The following TICAM2 variants were observed in gnomAD, a reference collection of about 807,000 sequenced individuals.
The protein encoded by TICAM2 is TIR domain-containing adapter molecule 2.
TICAM2 carries 8 observed loss-of-function variants against 7.3 expected under a neutral mutation model. The ratio of observed to expected loss-of-function variants is 1.10; its 90% CI spans 0.65 to 1.99. The LOEUF (loss-of-function observed/expected upper bound fraction) is 1.99, where lower values mean the gene tolerates loss of function less well. Among genes scored for constraint, TICAM2 ranks in the 30% most tolerant of loss-of-function variants. The pLI is 0.00. For synonymous variants in TICAM2, 113 were observed against 99.6 expected, an observed-to-expected ratio of 1.13 and a Z score of -0.80; for missense variants, 304 against 278.8, an observed-to-expected ratio of 1.09 and a Z score of -0.65.
At chr5:115,583,448 C>T (rs969786447) in intron 1 of TICAM2, among the ~76,000 whole-genome samples, 1 of 151,980 alleles carries the variant, frequency 6.6e-6, no homozygotes, top group Non-Finnish European at 1.5e-5. Context: ...TCTTAAATAC[C>T]AGTTAGCAAA....
At chr5:115,588,741 G>A (rs778049847) in intron 1 of TICAM2, among the ~76,000 whole-genome samples, 8 of 152,232 alleles carry the variant, frequency 5.3e-5, no homozygotes, top group Non-Finnish European at 8.8e-5. Flanking sequence ...GTACTTACAC[G>A]TCTGAGTTAA....
rs754564671 is a variant in TICAM2, at chr5:115,581,090, G to T, written c.167C>A (p.Thr56Lys). Residue 56 changes from threonine to lysine, a missense_variant, in exon 2 of 2, where the codon ACA becomes AAA. Transcript: ENST00000427199. Reference sequence around the variant, plus strand: ...GCTCTGAGCTCCCTCCTGCTTTCCTGTTGGCCCCTCTGTTGTATTGCTGTG... The same window carrying T: ...GCTCTGAGCTCCCTCCTGCTTTCCTTTTGGCCCCTCTGTTGTATTGCTGTG... ...AEHSNTTEGP[T>K]GKQEGAQSVE... The T allele has an allele frequency of 1.9e-6, 3 of 1,614,088 alleles. No individual in the cohort carries two copies. In the South Asian group the frequency reaches 3.3e-5, roughly 18 times the overall value.
intron 1 of TICAM2, among the ~76,000 whole-genome samples, chr5:115,588,015 G>A (rs928876200): frequency 6.6e-5 from 10 of 152,214 alleles, no homozygotes; most frequent in Non-Finnish European, 1.3e-4. Context: ...GGAGGAGAGG[G>A]CTTCAGCAGT....
chr5:115,598,926 T>A (rs1051523256), intron 1 of TICAM2, among the ~76,000 whole-genome samples: 3 of 152,116 alleles, frequency 2.0e-5, no homozygotes, highest in African/African-American at 7.2e-5. Context: ...CATTTCTACA[T>A]AGTCCTCAAA....
rs186382838 is a variant in TICAM2, at chr5:115,597,449, T to C, written c.-60+4648A>G. Among the ~76,000 whole-genome samples, 6 of 152,298 alleles carry C rather than the reference T, an allele frequency of 3.9e-5. No individual in the cohort carries two copies. In the East Asian group the frequency reaches 1.2e-3, roughly 29 times the overall value. ...ATCCAAAAACTGGGGAATGATAATA[T>C]TAACTATGTCACATTATTCATATGA... On this transcript the variant is annotated intron_variant, in intron 1 of 1. Coordinates refer to ENST00000427199, the MANE Select transcript of TICAM2 (RefSeq NM_021649.7).
At chr5:115,597,908 G>A (rs1755573482) in intron 1 of TICAM2, among the ~76,000 whole-genome samples, 1 of 152,084 alleles carries the variant, frequency 6.6e-6, no homozygotes, top group South Asian at 2.1e-4. Context: ...TGTTGTTCAT[G>A]GGCCAAGTGA....
At chr5:115,587,453 G>GTTTC (rs1298112297) in intron 1 of TICAM2, among the ~76,000 whole-genome samples, 1 of 152,180 alleles carries the variant, frequency 6.6e-6, no homozygotes, top group African/African-American at 2.4e-5. Flanking sequence ...GGAAGTTTAG[G>GTTTC]TTTGTAAAGA....
chr5:115,581,224 G>T lies in TICAM2; in HGVS notation c.33C>A (p.Cys11Ter). The T allele has an allele frequency of 6.2e-7, 1 of 1,610,670 alleles. No homozygotes were observed. The highest frequency in any genetic ancestry group is 8.5e-7 in the Non-Finnish European group (1 of 1,179,960). The change falls in exon 2 of 2, where the codon TGC (cysteine) becomes TGA (stop). Residue 11 changes from cysteine to a stop codon, truncating the protein, a stop_gained. Coordinates refer to ENST00000427199, the MANE Select transcript of TICAM2 (RefSeq NM_021649.7). LOFTEE classifies it low-confidence loss of function (END_TRUNC). ...TTTTACCCCAAGAGAGAGAAAGAGGGCAGGAATTTATTTTAGACTTCCCGA... is the reference window on the plus strand; with the variant it reads ...TTTTACCCCAAGAGAGAGAAAGAGGTCAGGAATTTATTTTAGACTTCCCGA... The part of the protein sequence containing the change: MGIGKSKINS[C>*]PLSLSWGKRH...
chr5:115,601,614 G>A (rs1755745501), intron 1 of TICAM2, among the ~76,000 whole-genome samples: 1 of 152,056 alleles, frequency 6.6e-6, no homozygotes, highest in Non-Finnish European at 1.5e-5. Flanking sequence ...TCTTTAAGAA[G>A]TTTACTACCG....
chr5:115,595,217 T>C (rs1412439715), intron 1 of TICAM2, among the ~76,000 whole-genome samples: 3 of 152,174 alleles, frequency 2.0e-5, no homozygotes, highest in Non-Finnish European at 2.9e-5. Flanking sequence ...AATCAATCAA[T>C]CAATCAGTCA....
At position 115,579,650 on chromosome 5, in the gene TICAM2, C is replaced by A. The variant is rs1341064889; in HGVS notation, c.*899G>T. 1 of 152,182 alleles carries A rather than the reference C, an allele frequency of 6.6e-6. No individual in the cohort carries two copies. Among genetic ancestry groups the A allele is most frequent in the Non-Finnish European group, 1.5e-5 (1 of 68,044 alleles). The allele number at this position is 152,182 out of a possible 1,614,324, so 9.4% of individuals were successfully genotyped here. ...AAGTCTTTATAAATAACCTATCACA[C>A]ACACACATGCACACAGTCAGGCTAC... On this transcript the variant is annotated 3_prime_UTR_variant, in exon 2 of 2. Transcript: ENST00000427199.
At chr5:115,591,895 AT>A (rs1755318550) in intron 1 of TICAM2, among the ~76,000 whole-genome samples, 1 of 152,188 alleles carries the variant, frequency 6.6e-6, no homozygotes, top group Non-Finnish European at 1.5e-5. Context: ...AGACTTTGCA[AT>A]ATTGAAGAAA....
chr5:115,595,544 T>A (rs981070718), intron 1 of TICAM2, among the ~76,000 whole-genome samples: 1 of 152,236 alleles, frequency 6.6e-6, no homozygotes, highest in Admixed American at 6.5e-5. Context: ...TCTTTCCCTT[T>A]ACATCATTTC....
rs1754847734 is a variant in TICAM2 at position 115,579,707 on chromosome 5, G to C, written c.*842C>G. The C allele has an allele frequency of 6.6e-6, 1 of 152,168 alleles. No homozygotes were observed. The highest frequency in any genetic ancestry group is 2.1e-4 in the South Asian group (1 of 4,826). 9.4% of individuals were successfully genotyped at this position (152,168 alleles called of 1,614,324 possible). The stretch of plus-strand genomic sequence containing the variant: ...GACCTAAATGAGAAATACTTCCTGA[G>C]AAGAGAATTGTGTGTGACGGAAACT... On this transcript the variant is annotated 3_prime_UTR_variant, in exon 2 of 2. Coordinates refer to ENST00000427199, the MANE Select transcript of TICAM2 (RefSeq NM_021649.7).
chr5:115,580,479 T>G lies in TICAM2; in HGVS notation c.*70A>C. 1 of 1,453,174 alleles carries G rather than the reference T, an allele frequency of 6.9e-7. No individual in the cohort carries two copies. The highest frequency in any genetic ancestry group is 9.1e-7 in the Non-Finnish European group (1 of 1,102,340). The allele number at this position is 1,453,174 out of a possible 1,614,324, so 90.0% of individuals were successfully genotyped here. ...TTTTATTTAAACATTTCCTAGAAAC[T>G]GCTTTCTCAAGTGAAGATTAATCAT... On this transcript the variant is annotated 3_prime_UTR_variant, in exon 2 of 2. Coordinates refer to ENST00000427199, the MANE Select transcript of TICAM2 (RefSeq NM_021649.7).
Position 115,580,788 on chromosome 5 carries a change from G to T in TICAM2, c.469C>A (p.Leu157Ile). Residue 157 changes from leucine to isoleucine, a missense_variant, in exon 2 of 2, where the codon CTA (leucine) becomes ATA (isoleucine). Transcript: ENST00000427199. The stretch of plus-strand genomic sequence containing the variant: ...TGCTGCCTGTTAACGGAGTTCATTA[G>T]GGACGTATAGAACTGGAAATTACAC... ...TWCNFQFYTS[L>I]MNSVNRQHKY... The T allele has an allele frequency of 6.3e-7, 1 of 1,597,786 alleles. No individual in the cohort carries two copies. The highest frequency in any genetic ancestry group is 8.5e-7 in the Non-Finnish European group (1 of 1,171,704).
chr5:115,581,271 G>A lies in TICAM2; in HGVS notation c.-15C>T. 3 of 1,603,228 alleles carry A rather than the reference G, an allele frequency of 1.9e-6. No individual in the cohort carries two copies. The highest frequency in any genetic ancestry group is 2.5e-6 in the Non-Finnish European group (3 of 1,179,910). On this transcript the variant is annotated 5_prime_UTR_variant, in exon 2 of 2. Coordinates refer to ENST00000427199, the MANE Select transcript of TICAM2 (RefSeq NM_021649.7). ...CCGATACCCATTATAAATATCCAAG[G>A]CAGAAGAGGAAAACTTTATGTATTT... is the stretch of plus-strand genomic sequence containing the variant.
intron 1 of TICAM2, among the ~76,000 whole-genome samples, chr5:115,582,951 C>T (rs1754981714): frequency 6.6e-6 from 1 of 152,204 alleles, no homozygotes; most frequent in Non-Finnish European, 1.5e-5. Context: ...AGTGAGGAAA[C>T]TGCTGACCAC....
At position 115,580,924 on chromosome 5, in the gene TICAM2, G is replaced by A. The variant is rs757726767; in HGVS notation, c.333C>T (p.Ile111=). The part of the protein sequence containing the change: ...QDDFGIKPGI[I]FAEMPCGRQH... ...GTCTGCCACATGGCATCTCAGCAAA[G>A]ATTATTCCGGGTTTGATACCAAAGT... Residue 111 remains isoleucine, a synonymous_variant, in exon 2 of 2, where the codon ATC becomes ATT. Transcript: ENST00000427199. 1 of 1,613,812 alleles carries A rather than the reference G, an allele frequency of 6.2e-7. No individual in the cohort carries two copies.
Sources: allele counts gnomAD v4.1 joint callset (sites outside exome capture counted in the v4.1 genomes callset), GRCh38; gene constraint gnomAD v4.1.1; transcripts MANE v1.5; gene names NCBI Gene and HGNC (gene_info 2026-07-23, HGNC 2026-07-21).